STARD9: variants seen among roughly 807,000 people sequenced by gnomAD.
STARD9 encodes StAR related lipid transfer domain containing 9.
A neutral mutation model predicts 399.8 loss-of-function variants in STARD9; 346 were observed. That is an observed-to-expected ratio of 0.87 (90% CI 0.79 to 0.95). The LOEUF (loss-of-function observed/expected upper bound fraction) is 0.95, where lower values mean the gene tolerates loss of function less well. STARD9 is among the 40% of genes least tolerant of loss of function. The pLI, the probability that STARD9 is intolerant of heterozygous loss-of-function variation, is 0.00. For missense variants in STARD9, 5,832 were observed against 5,667.5 expected, an observed-to-expected ratio of 1.03 and a Z score of -0.93; for synonymous variants, 2,203 against 2,143.5, an observed-to-expected ratio of 1.03 and a Z score of -0.77.
chr15:42,647,656 T>G (rs915014818), intron 7 of STARD9, among the ~76,000 whole-genome samples: 1 of 152,188 alleles, frequency 6.6e-6, no homozygotes, highest in African/African-American at 2.4e-5. Context: ...AAAATTTTCC[T>G]TTTGCTTTGT....
rs559483353 is a variant in STARD9 at position 42,665,500 on chromosome 15, C to G, written c.1254+170C>G. Among the ~76,000 whole-genome samples the G allele has an allele frequency of 2.7e-4, 41 of 152,276 alleles. 1 individual carries two copies. In the South Asian group the frequency reaches 6.0e-3, roughly 22 times the overall value. On this transcript the variant is annotated intron_variant, in intron 14 of 32. Coordinates refer to ENST00000290607, the MANE Select transcript of STARD9 (RefSeq NM_020759.3). ...AGATTTCTCTGATTTCTCAGTGTAGCTTCAGATGGTGTGGGCATTTTTTCA... is the reference window on the plus strand; with the variant it reads ...AGATTTCTCTGATTTCTCAGTGTAGGTTCAGATGGTGTGGGCATTTTTTCA...
At position 42,652,738 on chromosome 15, in the gene STARD9, C is replaced by T. The variant is rs563666899; in HGVS notation, c.702+146C>T. ...TTGCCCAGACTGGAGTGCAGTGGCGCGATCTCGGCTCACCTGAACCTCTGC... is the reference window on the plus strand; with the variant it reads ...TTGCCCAGACTGGAGTGCAGTGGCGTGATCTCGGCTCACCTGAACCTCTGC... On this transcript the variant is annotated intron_variant, in intron 9 of 32. Coordinates refer to ENST00000290607, the MANE Select transcript of STARD9 (RefSeq NM_020759.3). 1.0e-3 allele frequency: 696 copies of T among 698,822 alleles called. 3 individuals carry two copies. The highest frequency in any genetic ancestry group is 1.3e-3 in the Non-Finnish European group (550 of 409,916). 43.3% of individuals were successfully genotyped at this position (698,822 alleles called of 1,614,324 possible).
intron 4 of STARD9, among the ~76,000 whole-genome samples, chr15:42,637,151 A>G (rs2059436239): frequency 6.6e-6 from 1 of 151,638 alleles, no homozygotes; most frequent in African/African-American, 2.4e-5. Context: ...TTAGCACTGG[A>G]TACAAGATGG....
chr15:42,703,638 A>G (rs1382223642), intron 26 of STARD9, among the ~76,000 whole-genome samples: 1 of 151,588 alleles, frequency 6.6e-6, no homozygotes, highest in East Asian at 2.0e-4. Flanking sequence ...CTCCCAAAAT[A>G]CTAGGATTAC....
At chr15:42,630,916 T>A (rs1008796678) in intron 3 of STARD9, among the ~76,000 whole-genome samples, 3 of 152,048 alleles carry the variant, frequency 2.0e-5, no homozygotes, top group Non-Finnish European at 4.4e-5. Flanking sequence ...TCAATTTCAT[T>A]TATTTCTGCT....
rs1048564126 is a variant in STARD9 at position 42,690,712 on chromosome 15, C to T, written c.9134C>T (p.Ser3045Phe). The T allele has an allele frequency of 6.5e-7, 1 of 1,537,250 alleles. No individual in the cohort carries two copies. The change falls in exon 23 of 33, where the codon TCT becomes TTT. Residue 3045 changes from serine to phenylalanine, a missense_variant. By Grantham distance (155) the Ser-to-Phe change is radical. Transcript: ENST00000290607. The stretch of plus-strand genomic sequence containing the variant: ...ACAGAGAGCAGCACTTGTGAGCCTT[C>T]TACTGTGGCTGCTGTCCTATCTCGA... ...RLTESSTCEPSTVAAVLSRAQ... is the reference protein window; with the variant it reads ...RLTESSTCEPFTVAAVLSRAQ...
intron 3 of STARD9, among the ~76,000 whole-genome samples, chr15:42,603,029 A>AT (rs1435167946): frequency 6.6e-6 from 1 of 152,058 alleles, no homozygotes; most frequent in East Asian, 1.9e-4. Context: ...TCTGAACTGC[A>AT]TTTTTTGGGA....
chr15:42,702,001 A>C (rs769897678), intron 26 of STARD9, among the ~76,000 whole-genome samples: 6,136 of 150,510 alleles, frequency 0.041, 451 homozygotes, highest in African/African-American at 0.13. Context: ...TCAAAAAAAA[A>C]AAAAAAAAAA....
rs114690791 is a variant in STARD9, at chr15:42,645,205, A to G, written c.560-5811A>G. 2.7e-3 allele frequency among the ~76,000 whole-genome samples: 414 copies of G among 152,350 alleles called. 1 individual carries two copies. Among genetic ancestry groups the G allele is most frequent in the African/African-American group, 8.6e-3 (357 of 41,570 alleles). ...GTGAATTCTTTCTGGAAAGTTTTCA[A>G]TAGACTTTGCCCAGATCCATCAGAG... On this transcript the variant is annotated intron_variant, in intron 7 of 32. Coordinates refer to ENST00000290607, the MANE Select transcript of STARD9 (RefSeq NM_020759.3).
At chr15:42,595,384 A>G (rs1429568738) in intron 3 of STARD9, among the ~76,000 whole-genome samples, 11 of 152,312 alleles carry the variant, frequency 7.2e-5, no homozygotes, top group African/African-American at 2.6e-4. Flanking sequence ...CCATGGTCCA[A>G]GCTCTCGCAC....
intron 3 of STARD9, among the ~76,000 whole-genome samples, chr15:42,591,847 G>C (rs1392526563): frequency 1.3e-5 from 2 of 152,162 alleles, no homozygotes; most frequent in East Asian, 3.8e-4. Context: ...AATGCCTATT[G>C]ATAGCCAGAT....
At chr15:42,577,551 G>T (rs2058083611) in intron 1 of STARD9, among the ~76,000 whole-genome samples, 1 of 152,224 alleles carries the variant, frequency 6.6e-6, no homozygotes, top group Admixed American at 6.5e-5. Context: ...CCAAACAAAA[G>T]TGAAGGGAAA....
intron 12 of STARD9, 139 bp downstream of exon 12, chr15:42,663,629 C>T (rs565962458): frequency 3.2e-6 from 2 of 615,562 alleles, no homozygotes; most frequent in East Asian, 2.7e-5. Context: ...GGGCCATGGC[C>T]CCAGTGAGTG....
chr15:42,716,648 C>G, intron 26 of STARD9, 29 bp from the exon 27 acceptor site: 1 of 1,408,704 alleles, frequency 7.1e-7, no homozygotes, highest in East Asian at 2.5e-5. Context: ...TGCCTTCTGG[C>G]TCTGTCCTGA....
chr15:42,653,433 A>G (rs2059803606), intron 9 of STARD9, among the ~76,000 whole-genome samples: 1 of 152,198 alleles, frequency 6.6e-6, no homozygotes, highest in African/African-American at 2.4e-5. Context: ...AAGAAGCTCA[A>G]AGGACTCCAA....
At chr15:42,719,440 T>G in intron 32 of STARD9, 33 bp from the exon 33 acceptor site, 1 of 1,407,194 alleles carries the variant, frequency 7.1e-7, no homozygotes, top group Non-Finnish European at 9.7e-7. Flanking sequence ...TCAAATCTAT[T>G]TGCACCTTAA....
intron 3 of STARD9, among the ~76,000 whole-genome samples, chr15:42,587,835 G>A (rs917530512): frequency 1.3e-5 from 2 of 152,138 alleles, no homozygotes; most frequent in Non-Finnish European, 2.9e-5. Flanking sequence ...AAAGTGCTGG[G>A]ATTACAGGCA....
In STARD9 at chr15:42,684,925, A is replaced by G. The variant is rs1236847361; in HGVS notation, c.3347A>G (p.Tyr1116Cys). 1.3e-6 allele frequency: 2 copies of G among 1,537,092 alleles called. No homozygotes were observed. Among genetic ancestry groups the G allele is most frequent in the Admixed American group, 3.9e-5 (2 of 51,006 alleles). ...TCATTGGATTCTCTCTCATGTGTCT[A>G]TGCCAAAGCCCTGATAGAGCCACTG... ...NYSLDSLSCVYAKALIEPLKP... is the reference protein window; with the variant it reads ...NYSLDSLSCVCAKALIEPLKP... Residue 1116 changes from tyrosine (Y) to cysteine (C), a missense_variant, in exon 23 of 33, where the codon TAT (tyrosine) becomes TGT (cysteine). Physicochemically the swap from Tyr to Cys is radical, Grantham distance 194. This residue lies in a region of STARD9 where 5,828 missense variants were observed against 5,651.1 expected (regional missense o/e 1.03). Coordinates refer to ENST00000290607, the MANE Select transcript of STARD9 (RefSeq NM_020759.3).
intron 3 of STARD9, among the ~76,000 whole-genome samples, chr15:42,629,612 TC>T (rs1049858885): frequency 1.3e-5 from 2 of 152,220 alleles, no homozygotes; most frequent in Non-Finnish European, 2.9e-5. Context: ...TTTCTTTCTT[TC>T]TCTTGTCCGA....
Sources: gnomAD v4.1 joint callset for allele counts (sites outside exome capture counted in the v4.1 genomes callset) on GRCh38, gnomAD v4.1.1 for gene constraint, gnomAD v4.1.1 regional missense constraint, MANE v1.5 for transcripts, NCBI Gene and HGNC (gene_info 2026-07-23, HGNC 2026-07-21) for gene names.